Variants in CELSR1 observed in about 807,000 individuals in gnomAD.
CELSR1 encodes the protein adhesion G protein-coupled receptor C1.
Under a neutral mutation model 249.1 loss-of-function variants are expected in CELSR1, and 110 were observed. The observed-to-expected ratio is 0.44, with a 90% CI of 0.38 to 0.52. The LOEUF (loss-of-function observed/expected upper bound fraction) is 0.52. Among genes scored for constraint, CELSR1 ranks in the 20% least tolerant of loss-of-function variants. The pLI, the probability that CELSR1 is intolerant of heterozygous loss-of-function variation, is 0.00. For missense variants in CELSR1, 4,109 were observed against 4,296.4 expected (o/e 0.96, Z 1.22); for synonymous variants, 2,113 against 1,900.0 (o/e 1.11, Z -2.92).
In CELSR1 at chr22:46,378,733, A is replaced by G; in HGVS notation, c.7257-16T>C. ...CCCACCAACGCTGCGGAGAGGACAGAGAAGGGGCAGGGGTAAGACGGTTCC... is the reference window on the plus strand; with the variant it reads ...CCCACCAACGCTGCGGAGAGGACAGGGAAGGGGCAGGGGTAAGACGGTTCC... On this transcript the variant is annotated splice_polypyrimidine_tract_variant and intron_variant, in intron 22 of 34. Transcript: ENST00000674500. 1.2e-6 allele frequency: 2 copies of G among 1,610,002 alleles called. No homozygotes were observed. The highest frequency in any genetic ancestry group is 1.7e-6 in the Non-Finnish European group (2 of 1,177,920).
rs1480972343 is a variant in CELSR1 at position 46,517,451 on chromosome 22, C to A, written c.3544+16176G>T. 6.6e-6 allele frequency among the ~76,000 whole-genome samples: 1 copy of A among 152,204 alleles called. No homozygotes were observed. The highest frequency in any genetic ancestry group is 2.4e-5 in the African/African-American group (1 of 41,454). ...TCCATCTGGCACTTGTCATCTTCCA[C>A]GGGGCACAAGGCGGTATCTGGAGGG... On this transcript the variant is annotated intron_variant, in intron 1 of 34. Transcript: ENST00000674500. This position sits in a 1 kb window ranked among gnomAD's most constrained non-coding sequence, Gnocchi z 5.4.
At chr22:46,405,287 T>C (rs1410359757) in intron 9 of CELSR1, among the ~76,000 whole-genome samples, 1 of 151,106 alleles carries the variant, frequency 6.6e-6, no homozygotes, top group Non-Finnish European at 1.5e-5. Context: ...GGTGAAACCC[T>C]GTCTCTACTA....
At chr22:46,384,709 C>A in intron 19 of CELSR1, 23 bp from the exon 20 acceptor site, 1 of 1,604,722 alleles carries the variant, frequency 6.2e-7, no homozygotes, top group Non-Finnish European at 8.5e-7. Context: ...TTCCTTTAAT[C>A]AGACATAACT....
At chr22:46,505,360 G>A (rs557436170) in intron 1 of CELSR1, among the ~76,000 whole-genome samples, 13 of 150,356 alleles carry the variant, frequency 8.6e-5, no homozygotes, top group East Asian at 4.1e-4. Flanking sequence ...CAAACCGGGC[G>A]CGGTGGCTCA....
chr22:46,364,496 C>T lies in CELSR1; in HGVS notation c.8779+16G>A, dbSNP rs772365465. 4.1e-5 allele frequency: 65 copies of T among 1,600,688 alleles called. No homozygotes were observed. The highest frequency in any genetic ancestry group is 4.7e-5 in the Non-Finnish European group (55 of 1,173,066). On this transcript the variant is annotated intron_variant, in intron 33 of 34. Transcript: ENST00000674500. ...GTCCTCCAGCCTTTCACTGCAGCCC[C>T]GGCCTCCCCAGGCACCTTTCCTCTG... is the stretch of plus-strand genomic sequence containing the variant.
Position 46,380,814 on chromosome 22 carries a change from G to A in CELSR1, c.7230C>T (p.Val2410=). The part of the protein sequence containing the change: ...LLEVEERTKP[V]CVFWNHSLAV... ...CCAGGGAGTGGTTCCAGAACACGCAGACAGGCTTGGTTCGCTCCTCCACCT... is the reference window on the plus strand; with the variant it reads ...CCAGGGAGTGGTTCCAGAACACGCAAACAGGCTTGGTTCGCTCCTCCACCT... Residue 2410 remains valine (V), a synonymous_variant, in exon 22 of 35, where the codon GTC becomes GTT. Transcript: ENST00000674500. This position sits in a 1 kb window ranked among gnomAD's most constrained non-coding sequence, Gnocchi z 5.1. 2 of 1,612,082 alleles carry A rather than the reference G, an allele frequency of 1.2e-6. No individual in the cohort carries two copies. The highest frequency in any genetic ancestry group is 1.7e-6 in the Non-Finnish European group (2 of 1,179,822).
chr22:46,363,549 T>C lies in CELSR1; in HGVS notation c.9036-302A>G. 1 of 357,060 alleles carries C rather than the reference T, an allele frequency of 2.8e-6. No homozygotes were observed. Among genetic ancestry groups the C allele is most frequent in the South Asian group, 4.0e-5 (1 of 24,830 alleles). 22.1% of individuals were successfully genotyped at this position (357,060 alleles called of 1,614,324 possible). On this transcript the variant is annotated intron_variant, in intron 34 of 34. Transcript: ENST00000674500. This position sits in a 1 kb window ranked among gnomAD's most constrained non-coding sequence, Gnocchi z 4.3. ...AGGGGCATTCTGAAGACCTGGCTTCTCCCTTGTGAGTTTGGAGGGAGGGAG... is the reference window on the plus strand; with the variant it reads ...AGGGGCATTCTGAAGACCTGGCTTCCCCCTTGTGAGTTTGGAGGGAGGGAG...
intron 14 of CELSR1, among the ~76,000 whole-genome samples, chr22:46,392,467 A>G (rs2079104122): frequency 1.3e-5 from 2 of 152,274 alleles, no homozygotes; most frequent in Non-Finnish European, 2.9e-5. Flanking sequence ...CGACAGGCCC[A>G]GAAGAGATGC....
intron 1 of CELSR1, among the ~76,000 whole-genome samples, chr22:46,524,351 C>G (rs540409437): frequency 4.2e-4 from 64 of 152,346 alleles, no homozygotes; most frequent in African/African-American, 1.3e-3. Context: ...TCCCCTCTTA[C>G]AGGCCTGCCC....
intron 1 of CELSR1, among the ~76,000 whole-genome samples, chr22:46,514,938 G>A (rs1014544178): frequency 1.3e-5 from 2 of 152,092 alleles, no homozygotes; most frequent in Non-Finnish European, 2.9e-5. Context: ...GCTGGCATCC[G>A]CTCCAAACTC....
chr22:46,392,748 GAGTCTCACTATGT>G (rs67154797), intron 14 of CELSR1, among the ~76,000 whole-genome samples: 9,238 of 152,084 alleles, frequency 0.061, 392 homozygotes, highest in Middle Eastern at 0.095. Context: ...GTAGAAATGG[GAGTCTCACTATGT>G]TGCCCAGGCT....
In CELSR1 at chr22:46,474,894, T is replaced by A. The variant is rs552740953; in HGVS notation, c.3545-10549A>T. On this transcript the variant is annotated intron_variant, in intron 1 of 34. Transcript: ENST00000674500. Reference sequence around the variant, plus strand: ...TAACTTGTTGGAGAGGCTGCCGGGATCTGCTAAGAACAGCAAGCCGCTTCT... The same window carrying A: ...TAACTTGTTGGAGAGGCTGCCGGGAACTGCTAAGAACAGCAAGCCGCTTCT... Among the ~76,000 whole-genome samples the A allele has an allele frequency of 2.0e-5, 3 of 149,560 alleles. No individual in the cohort carries two copies. The Admixed American group carries it at 2.0e-4, about 10-fold the overall frequency.
intron 1 of CELSR1, among the ~76,000 whole-genome samples, chr22:46,531,839 GTGT>G (rs1417253934): frequency 6.6e-6 from 1 of 152,238 alleles, no homozygotes; most frequent in East Asian, 1.9e-4. Context: ...ATCCGGGTGT[GTGT>G]TGGGGCGGTG....
chr22:46,476,659 T>C (rs1410342000), intron 1 of CELSR1, among the ~76,000 whole-genome samples: 1 of 151,006 alleles, frequency 6.6e-6, no homozygotes, highest in African/African-American at 2.4e-5. Context: ...CTCACAAACT[T>C]TCCGCCAAGT....
In CELSR1 at chr22:46,534,499, T is replaced by C; in HGVS notation, c.2672A>G (p.Gln891Arg). 1 of 1,613,368 alleles carries C rather than the reference T, an allele frequency of 6.2e-7. No individual in the cohort carries two copies. Among genetic ancestry groups the C allele is most frequent in the Non-Finnish European group, 8.5e-7 (1 of 1,180,026 alleles). ...ACCCTGGTAGAAATCCCACAGGAAC[T>C]GGGGTGCATTGTCATTGGCATCGAG... The part of the protein sequence containing the change: ...LILDANDNAP[Q>R]FLWDFYQGSI... The change falls in exon 1 of 35, where the codon CAG becomes CGG. Residue 891 changes from glutamine to arginine, a missense_variant. Gln to Arg is a conservative substitution (Grantham distance 43). Around this residue, in one of 7 missense-constraint regions of CELSR1, gnomAD observed 886 missense variants for 896.5 expected, o/e 0.99. Transcript: ENST00000674500. The surrounding 1 kb of genome is among the most constrained non-coding windows in gnomAD (Gnocchi z 9.7).
rs988951127 is a variant in CELSR1 at position 46,526,883 on chromosome 22, C to T, written c.3544+6744G>A. On this transcript the variant is annotated intron_variant, in intron 1 of 34. Coordinates refer to ENST00000674500, the MANE Select transcript of CELSR1 (RefSeq NM_001378328.1). The surrounding 1 kb of genome is among the most constrained non-coding windows in gnomAD (Gnocchi z 4.7). ...ACACTCTCAAAGACGCCCAGCCACA[C>T]GGGGCCAAAAATGGCCTCACGTCTT... Among the ~76,000 whole-genome samples, 4 of 152,238 alleles carry T rather than the reference C, an allele frequency of 2.6e-5. No homozygotes were observed. Among genetic ancestry groups the T allele is most frequent in the South Asian group, 2.1e-4 (1 of 4,838 alleles).
At chr22:46,421,449 CCCAGGGT>C (rs2147377209) in intron 5 of CELSR1, among the ~76,000 whole-genome samples, 1 of 152,332 alleles carries the variant, frequency 6.6e-6, no homozygotes, top group African/African-American at 2.4e-5. Flanking sequence ...AACACAAAGG[CCCAGGGT>C]GGGGCGGCGC....
rs1602185539 is a variant in CELSR1 at position 46,473,440 on chromosome 22, T to C, written c.3545-9095A>G. Among the ~76,000 whole-genome samples the C allele has an allele frequency of 6.6e-6, 1 of 152,056 alleles. No individual in the cohort carries two copies. Among genetic ancestry groups the C allele is most frequent in the Non-Finnish European group, 1.5e-5 (1 of 67,992 alleles). On this transcript the variant is annotated intron_variant, in intron 1 of 34. Coordinates refer to ENST00000674500, the MANE Select transcript of CELSR1 (RefSeq NM_001378328.1). This position sits in a 1 kb window ranked among gnomAD's most constrained non-coding sequence, Gnocchi z 6.6. ...GGGCCTTGGAGATGACCCAGTGAGA[T>C]GGAGCCACAGGCAGCTGGAGACGCA... is the stretch of plus-strand genomic sequence containing the variant.
chr22:46,388,551 G>A (rs988126234), intron 18 of CELSR1, among the ~76,000 whole-genome samples: 2 of 152,026 alleles, frequency 1.3e-5, no homozygotes, highest in African/African-American at 4.8e-5. Context: ...TTGTGGATGA[G>A]GAGGTCCCTG....
Sources: allele counts gnomAD v4.1 joint callset (sites outside exome capture counted in the v4.1 genomes callset), GRCh38; gene constraint gnomAD v4.1.1; regional missense constraint gnomAD v4.1.1; non-coding constraint Gnocchi (gnomAD v3.1); transcripts MANE v1.5; gene names NCBI Gene and HGNC (gene_info 2026-07-23, HGNC 2026-07-21).